CNTN4: variants seen among roughly 807,000 people sequenced by gnomAD.
CNTN4 encodes contactin-4.
In CNTN4, 77 loss-of-function variants were observed where a neutral mutation model predicts 122.5. The observed-to-expected ratio is 0.63, with a 90% CI of 0.52 to 0.76. The LOEUF (loss-of-function observed/expected upper bound fraction) is 0.76, where lower values mean the gene tolerates loss of function less well. Among genes scored for constraint, CNTN4 ranks in the 30% least tolerant of loss-of-function variants. The pLI is 0.00. For synonymous variants in CNTN4, 512 were observed against 447.0 expected (o/e 1.15, Z -1.83); for missense variants, 1,256 against 1,259.1 (o/e 1.00, Z 0.04).
At chr3:2,929,111 A>G (rs549019597) in intron 13 of CNTN4, among the ~76,000 whole-genome samples, 1 of 152,342 alleles carries the variant, frequency 6.6e-6, no homozygotes, top group African/African-American at 2.4e-5. Context: ...CCATAAACAT[A>G]AAACATTTCT....
intron 3 of CNTN4, among the ~76,000 whole-genome samples, chr3:2,392,419 C>T (rs2150895045): frequency 6.6e-6 from 1 of 152,322 alleles, no homozygotes; most frequent in Non-Finnish European, 1.5e-5. Context: ...GCTTCCTACT[C>T]ATTATGCCTT....
At position 2,656,818 on chromosome 3, in the gene CNTN4, C is replaced by T. The variant is rs375071792; in HGVS notation, c.56-79397C>T. The stretch of plus-strand genomic sequence containing the variant: ...TATCTGTTCAAGTATTCTATTCGTA[C>T]CTTATCAGCTGTCTTCCTTTTCCTG... On this transcript the variant is annotated intron_variant, in intron 4 of 24. Transcript: ENST00000418658. Among the ~76,000 whole-genome samples, 560 of 152,298 alleles carry T rather than the reference C, an allele frequency of 3.7e-3. 3 individuals carry two copies. The highest frequency in any genetic ancestry group is 0.013 in the African/African-American group (541 of 41,562).
At chr3:2,296,906 A>G (rs1442126700) in intron 2 of CNTN4, among the ~76,000 whole-genome samples, 3 of 152,012 alleles carry the variant, frequency 2.0e-5, no homozygotes, top group African/African-American at 4.8e-5. Context: ...TAAAAGTTCT[A>G]TTGAATTATT....
At chr3:3,008,942 G>A (rs1256738728) in intron 14 of CNTN4, 12 of 985,160 alleles carry the variant, frequency 1.2e-5, no homozygotes, top group South Asian at 9.4e-5. Context: ...AAAGAAGGGC[G>A]CCAAACCTTG....
intron 3 of CNTN4, among the ~76,000 whole-genome samples, chr3:2,548,872 TCCTTGAAG>T (rs2078360590): frequency 6.6e-6 from 1 of 152,172 alleles, no homozygotes; most frequent in Non-Finnish European, 1.5e-5. Flanking sequence ...TTTGTAGTTC[TCCTTGAAG>T]AGGTCCTTTG....
At chr3:2,821,633 A>G (rs988183986) in intron 7 of CNTN4, among the ~76,000 whole-genome samples, 1 of 152,220 alleles carries the variant, frequency 6.6e-6, no homozygotes, top group African/African-American at 2.4e-5. Flanking sequence ...AGAGATGTGT[A>G]GGCAACTTGC....
intron 3 of CNTN4, among the ~76,000 whole-genome samples, chr3:2,562,948 G>A (rs564951505): frequency 1.3e-4 from 20 of 151,928 alleles, no homozygotes; most frequent in African/African-American, 3.9e-4. Flanking sequence ...GGCTGGTCTC[G>A]AAGTCCTGGA....
At chr3:2,611,827 G>C (rs1576212599) in intron 4 of CNTN4, among the ~76,000 whole-genome samples, 1 of 152,132 alleles carries the variant, frequency 6.6e-6, no homozygotes, top group East Asian at 1.9e-4. Context: ...AGAGTGCCCT[G>C]TGGCATCTCT....
At chr3:2,487,630 GTTTGT>G (rs556883510) in intron 3 of CNTN4, among the ~76,000 whole-genome samples, 41 of 151,944 alleles carry the variant, frequency 2.7e-4, no homozygotes, top group African/African-American at 9.9e-4. Context: ...CTCTTTTTTT[GTTTGT>G]TTTGTTTTGT....
chr3:2,844,195 C>T (rs993673656), intron 7 of CNTN4, among the ~76,000 whole-genome samples: 4 of 152,192 alleles, frequency 2.6e-5, no homozygotes, highest in African/African-American at 4.8e-5. Flanking sequence ...CACCCCTTCC[C>T]GATATTTTTC....
At chr3:2,329,620 A>G (rs891861893) in intron 2 of CNTN4, among the ~76,000 whole-genome samples, 3 of 152,244 alleles carry the variant, frequency 2.0e-5, no homozygotes, top group East Asian at 3.8e-4. Context: ...AGGGCAGTGC[A>G]GTACAAAAAA....
intron 6 of CNTN4, among the ~76,000 whole-genome samples, chr3:2,810,051 C>T (rs956800111): frequency 2.0e-5 from 3 of 152,124 alleles, no homozygotes; most frequent in South Asian, 4.1e-4. Flanking sequence ...GAGTCTCAGA[C>T]AGTCAAACAG....
At chr3:2,935,070 A>C (rs147442958) in intron 13 of CNTN4, among the ~76,000 whole-genome samples, 59 of 152,304 alleles carry the variant, frequency 3.9e-4, no homozygotes, top group African/African-American at 1.3e-3. Context: ...CAGAATCCAC[A>C]GGCCCAGTCC....
chr3:2,161,485 G>A (rs2035965997), intron 2 of CNTN4, among the ~76,000 whole-genome samples: 1 of 152,012 alleles, frequency 6.6e-6, no homozygotes, highest in African/African-American at 2.4e-5. Flanking sequence ...ATACAAAGAG[G>A]TACAAGGAAC....
chr3:2,606,512 C>T (rs984497774), intron 4 of CNTN4, among the ~76,000 whole-genome samples: 4 of 152,186 alleles, frequency 2.6e-5, no homozygotes, highest in Non-Finnish European at 5.9e-5. Flanking sequence ...TAAAATAACT[C>T]ACAGTGACTG....
chr3:3,004,589 C>G (rs1367874556), intron 14 of CNTN4, among the ~76,000 whole-genome samples: 1 of 152,152 alleles, frequency 6.6e-6, no homozygotes, highest in East Asian at 1.9e-4. Flanking sequence ...CTCGACATTA[C>G]CACCTATAAG....
chr3:2,488,608 A>T (rs534751341), intron 3 of CNTN4, among the ~76,000 whole-genome samples: 11 of 152,306 alleles, frequency 7.2e-5, no homozygotes, highest in South Asian at 2.1e-4. Flanking sequence ...AAATGTAAGT[A>T]TAGCTTACAT....
At chr3:3,044,414 C>A (rs1406866763) in intron 23 of CNTN4, among the ~76,000 whole-genome samples, 1 of 152,178 alleles carries the variant, frequency 6.6e-6, no homozygotes, top group Non-Finnish European at 1.5e-5. Context: ...AACTAAGATG[C>A]TTCTTCACAC....
chr3:2,469,751 T>C (rs990283735), intron 3 of CNTN4, among the ~76,000 whole-genome samples: 38 of 152,186 alleles, frequency 2.5e-4, no homozygotes, highest in African/African-American at 8.7e-4. Context: ...TTCATATATA[T>C]GGGTGATGGG....
Sources: allele counts gnomAD v4.1 joint callset (sites outside exome capture counted in the v4.1 genomes callset), GRCh38; gene constraint gnomAD v4.1.1; transcripts MANE v1.5; gene names NCBI Gene and HGNC (gene_info 2026-07-23, HGNC 2026-07-21).